The following IL1RAPL2 variants were observed in gnomAD, a reference collection of about 807,000 sequenced individuals.
The protein encoded by IL1RAPL2 is interleukin 1 receptor accessory protein like 2.
IL1RAPL2 carries 3 observed loss-of-function variants against 44.1 expected under a neutral mutation model. That is an observed-to-expected ratio of 0.07 (90% CI 0.03 to 0.18). The LOEUF (loss-of-function observed/expected upper bound fraction) is 0.18. Among genes scored for constraint, IL1RAPL2 ranks in the 10% least tolerant of loss-of-function variants. The pLI is 1.00. For missense variants in IL1RAPL2, 391 were observed against 496.4 expected, an observed-to-expected ratio of 0.79 and a Z score of 2.02; for synonymous variants, 181 against 178.8, an observed-to-expected ratio of 1.01 and a Z score of -0.10.
chrX:105,014,478 C>G (rs1157813403), intron 2 of IL1RAPL2, among the ~76,000 whole-genome samples: 2 of 110,507 alleles, frequency 1.8e-5, no homozygotes, highest in East Asian at 5.8e-4. Context: ...CACAACCCCC[C>G]GACAGGCCCT....
At chrX:104,944,102 T>C (rs1018919782) in intron 2 of IL1RAPL2, among the ~76,000 whole-genome samples, 4 of 111,656 alleles carry the variant, frequency 3.6e-5, no homozygotes, top group African/African-American at 1.3e-4. Flanking sequence ...TAATGTACAA[T>C]TTATGACAAT....
chrX:104,647,997 C>T, intron 1 of IL1RAPL2: 3 of 796,999 alleles, frequency 3.8e-6, no homozygotes, highest in Non-Finnish European at 5.5e-6. Context: ...ACTTTGGCAG[C>T]CATGTTTTCT....
At chrX:104,943,415 A>C (rs1177031800) in intron 2 of IL1RAPL2, among the ~76,000 whole-genome samples, 1 of 112,025 alleles carries the variant, frequency 8.9e-6, no homozygotes, top group Non-Finnish European at 1.9e-5. Context: ...CCCAAACTAA[A>C]CTTATCTTGC....
intron 2 of IL1RAPL2, among the ~76,000 whole-genome samples, chrX:104,841,902 T>G (rs1921911564): frequency 1.8e-5 from 2 of 110,268 alleles, no homozygotes; most frequent in Non-Finnish European, 3.8e-5. Context: ...CTTGGTGGTG[T>G]TCTCTGTGTT....
intron 2 of IL1RAPL2, among the ~76,000 whole-genome samples, chrX:105,183,542 T>C (rs2033555458): frequency 9.0e-6 from 1 of 111,441 alleles, no homozygotes; most frequent in African/African-American, 3.3e-5. Context: ...TGGGGAGAAC[T>C]TGTCATCAAG....
chrX:104,927,186 C>T (rs1234854001), intron 2 of IL1RAPL2, among the ~76,000 whole-genome samples: 1 of 111,633 alleles, frequency 9.0e-6, no homozygotes, highest in Non-Finnish European at 1.9e-5. Context: ...AAACTATCAC[C>T]ATTCCGAAGC....
Position 104,688,058 on chromosome X carries a change from C to T in IL1RAPL2, c.82+29063C>T, listed in dbSNP as rs1181096436. On this transcript the variant is annotated intron_variant, in intron 2 of 10. Coordinates refer to ENST00000372582, the MANE Select transcript of IL1RAPL2 (RefSeq NM_017416.2). ...CTACACAACTATGCATGACCTGAAC[C>T]ATGCCCATCTCTCCCCGCCAGGCTC... Among the ~76,000 whole-genome samples the T allele has an allele frequency of 2.7e-5, 3 of 112,101 alleles. No individual in the cohort carries two copies. In the East Asian group the frequency reaches 8.4e-4, roughly 31 times the overall value.
At chrX:105,371,355 A>G (rs998595014) in intron 5 of IL1RAPL2, among the ~76,000 whole-genome samples, 1 of 111,723 alleles carries the variant, frequency 9.0e-6, no homozygotes, top group South Asian at 3.7e-4. Context: ...TATAGTTTTT[A>G]TAGTTTTATG....
At position 105,298,526 on chromosome X, in the gene IL1RAPL2, A is replaced by G. The variant is rs112896236; in HGVS notation, c.697+30985A>G. Among the ~76,000 whole-genome samples the G allele has an allele frequency of 9.8e-4, 109 of 111,276 alleles. No individual in the cohort carries two copies. The Middle Eastern group carries it at 0.018, about 19-fold the overall frequency. Reference sequence around the variant, plus strand: ...CTTGAGGGTTGAGGCTGGAGATTTAAACAAGAGTTCAGTTTGTGATATAAG... The same window carrying G: ...CTTGAGGGTTGAGGCTGGAGATTTAGACAAGAGTTCAGTTTGTGATATAAG... On this transcript the variant is annotated intron_variant, in intron 5 of 10. Transcript: ENST00000372582.
At chrX:105,034,549 A>G in intron 2 of IL1RAPL2, among the ~76,000 whole-genome samples, 1 of 111,999 alleles carries the variant, frequency 8.9e-6, no homozygotes, top group Non-Finnish European at 1.9e-5. Flanking sequence ...GTGGCTGTAG[A>G]ACAGCGGATA....
At chrX:104,867,092 C>A (rs1338052273) in intron 2 of IL1RAPL2, among the ~76,000 whole-genome samples, 1 of 108,819 alleles carries the variant, frequency 9.2e-6, no homozygotes, top group African/African-American at 3.4e-5. Context: ...AAAAAATTAG[C>A]CGGGCACAGT....
At chrX:105,206,076 T>C (rs2147617574) in intron 3 of IL1RAPL2, among the ~76,000 whole-genome samples, 1 of 111,217 alleles carries the variant, frequency 9.0e-6, no homozygotes, top group African/African-American at 3.3e-5. Flanking sequence ...CTGTTGCTTT[T>C]GACTGAAGCA....
At chrX:105,124,237 G>GT (rs1391979220) in intron 2 of IL1RAPL2, among the ~76,000 whole-genome samples, 1 of 110,293 alleles carries the variant, frequency 9.1e-6, no homozygotes, top group African/African-American at 3.3e-5. Context: ...CAGTAATTTT[G>GT]TTTTTTTGAA....
At chrX:105,602,925 C>T (rs1444051803) in intron 6 of IL1RAPL2, among the ~76,000 whole-genome samples, 2 of 110,047 alleles carry the variant, frequency 1.8e-5, no homozygotes, top group African/African-American at 6.6e-5. Flanking sequence ...ACTAGGCCTA[C>T]AAGAAATGCT....
chrX:105,327,495 G>C (rs1335676930), intron 5 of IL1RAPL2, among the ~76,000 whole-genome samples: 1 of 111,771 alleles, frequency 8.9e-6, no homozygotes, highest in African/African-American at 3.3e-5. Flanking sequence ...GCTGAATCAT[G>C]GTTGTTTCTA....
chrX:104,772,505 A>G (rs1451748588), intron 2 of IL1RAPL2, among the ~76,000 whole-genome samples: 2 of 112,269 alleles, frequency 1.8e-5, no homozygotes, highest in South Asian at 7.4e-4. Flanking sequence ...CCAAAATTCA[A>G]TAAATAAAGC....
At chrX:104,662,012 C>T (rs1930410442) in intron 2 of IL1RAPL2, among the ~76,000 whole-genome samples, 1 of 112,219 alleles carries the variant, frequency 8.9e-6, no homozygotes, top group African/African-American at 3.2e-5. Context: ...ACTGCTGTTG[C>T]TAATGGCCAC....
intron 2 of IL1RAPL2, among the ~76,000 whole-genome samples, chrX:104,746,732 C>T (rs1013534676): frequency 5.4e-5 from 6 of 111,124 alleles, no homozygotes; most frequent in African/African-American, 2.0e-4. Context: ...CCATCCTGTT[C>T]GTTTTTGGGA....
rs544052783 is a variant in IL1RAPL2, at chrX:104,731,336, GT to G, written c.82+72346del. 7.2e-5 allele frequency among the ~76,000 whole-genome samples: 8 copies of G among 110,476 alleles called. No homozygotes were observed. In the South Asian group the frequency reaches 2.0e-3, roughly 27 times the overall value. ...GGTAATGCCTAGGTTTTCTTCTAGG[GT>G]TTTTATGGTTTTAGGTCTAACATTT... On this transcript the variant is annotated intron_variant, in intron 2 of 10. Transcript: ENST00000372582.
Sources: gnomAD v4.1 joint callset for allele counts (sites outside exome capture counted in the v4.1 genomes callset) on GRCh38, gnomAD v4.1.1 for gene constraint, MANE v1.5 for transcripts, NCBI Gene and HGNC (gene_info 2026-07-23, HGNC 2026-07-21) for gene names.